NRXN3: variants seen among roughly 807,000 people sequenced by gnomAD.
NRXN3 encodes neurexin III.
In NRXN3, 32 loss-of-function variants were observed where a neutral mutation model predicts 137.6. That is an observed-to-expected ratio of 0.23 (90% confidence interval 0.18 to 0.31). The LOEUF is 0.31. Ranked by LOEUF, NRXN3 falls within the 10% of genes least tolerant of loss-of-function variation. NRXN3 has a pLI of 1.00. For missense variants in NRXN3, 1,574 were observed against 2,062.5 expected (o/e 0.76, Z 4.59); for synonymous variants, 798 against 784.5 (o/e 1.02, Z -0.29).
At chr14:79,772,336 A>G (rs1241941292) in intron 19 of NRXN3, among the ~76,000 whole-genome samples, 1 of 152,146 alleles carries the variant, frequency 6.6e-6, no homozygotes, top group African/African-American at 2.4e-5. Context: ...CTAAGCCAAA[A>G]GAACAAAGCT....
chr14:78,572,607 C>G (rs754437092), intron 4 of NRXN3, among the ~76,000 whole-genome samples: 46 of 152,300 alleles, frequency 3.0e-4, no homozygotes, highest in Middle Eastern at 6.8e-3. Context: ...GAAGAATTGT[C>G]TTAGGCCACA....
At chr14:79,252,411 G>A (rs2076061385) in intron 15 of NRXN3, among the ~76,000 whole-genome samples, 1 of 152,298 alleles carries the variant, frequency 6.6e-6, no homozygotes, top group East Asian at 1.9e-4. Flanking sequence ...ATATGGAAAA[G>A]AGTTTTCCTC....
chr14:79,732,396 T>G (rs2154072812), intron 19 of NRXN3, among the ~76,000 whole-genome samples: 1 of 152,300 alleles, frequency 6.6e-6, no homozygotes, highest in African/African-American at 2.4e-5. Flanking sequence ...AGCATGAGAA[T>G]AGGGAAAGGG....
At chr14:79,660,481 A>G (rs2153983779) in intron 16 of NRXN3, among the ~76,000 whole-genome samples, 1 of 152,326 alleles carries the variant, frequency 6.6e-6, no homozygotes, top group Non-Finnish European at 1.5e-5. Context: ...AACACTGATT[A>G]CAATGGCAAA....
Position 79,863,245 on chromosome 14 carries a change from C to CT in NRXN3, c.*1287dup, listed in dbSNP as rs2099415961. The CT allele has an allele frequency of 6.6e-6, 1 of 152,200 alleles. No homozygotes were observed. The highest frequency in any genetic ancestry group is 2.4e-5 in the African/African-American group (1 of 41,344). The allele number at this position is 152,200 out of a possible 1,614,324, so 9.4% of individuals were successfully genotyped here. On this transcript the variant is annotated 3_prime_UTR_variant, in exon 21 of 21. Transcript: ENST00000335750. ...TTTGCTCACTTCTCTCTTCACCCATCTTTTTTAAAAACAAATAAATGAATA... is the reference window on the plus strand; with the variant it reads ...TTTGCTCACTTCTCTCTTCACCCATCTTTTTTTAAAAACAAATAAATGAATA...
rs547531060 is a variant in NRXN3 at position 78,758,944 on chromosome 14, G to T, written c.2044+43805G>T. On this transcript the variant is annotated intron_variant, in intron 8 of 20. Transcript: ENST00000335750. ...ATTTAGTTTCATCTCCTTTCATTTT[G>T]TTCTTGGTGTACCAGAAAAGCAGCA... Among the ~76,000 whole-genome samples the T allele has an allele frequency of 3.0e-3, 460 of 152,226 alleles. 3 individuals are homozygous for T. Among genetic ancestry groups the T allele is most frequent in the South Asian group, 0.022 (105 of 4,810 alleles).
At chr14:79,715,872 G>A (rs759302903) in intron 19 of NRXN3, among the ~76,000 whole-genome samples, 9 of 152,216 alleles carry the variant, frequency 5.9e-5, no homozygotes, top group Admixed American at 2.0e-4. Context: ...CAGTGTTCCC[G>A]CCAAAGGAAA....
intron 15 of NRXN3, among the ~76,000 whole-genome samples, chr14:79,427,693 G>A (rs1342978527): frequency 6.6e-6 from 1 of 151,998 alleles, no homozygotes; most frequent in Non-Finnish European, 1.5e-5. Flanking sequence ...TTGGTCGGGA[G>A]TGGTGGCATG....
intron 19 of NRXN3, among the ~76,000 whole-genome samples, chr14:79,763,706 G>A (rs1454191212): frequency 6.6e-6 from 1 of 151,492 alleles, no homozygotes; most frequent in Non-Finnish European, 1.5e-5. Flanking sequence ...CTTACATGGT[G>A]GAAAGGACAA....
intron 15 of NRXN3, among the ~76,000 whole-genome samples, chr14:79,319,807 C>T (rs1220930182): frequency 6.6e-6 from 1 of 152,156 alleles, no homozygotes; most frequent in Non-Finnish European, 1.5e-5. Flanking sequence ...ACTACTCTTG[C>T]ATGAGTTGCA....
chr14:78,595,785 A>T (rs1243119837), intron 4 of NRXN3, among the ~76,000 whole-genome samples: 2 of 152,200 alleles, frequency 1.3e-5, no homozygotes, highest in Non-Finnish European at 2.9e-5. Context: ...CTCCTAAGAA[A>T]GATGGAACTT....
chr14:79,593,368 C>T (rs1472295178), intron 16 of NRXN3, among the ~76,000 whole-genome samples: 3 of 152,116 alleles, frequency 2.0e-5, no homozygotes, highest in Non-Finnish European at 2.9e-5. Flanking sequence ...TGGTGGCTCA[C>T]ACCTGTAATC....
intron 15 of NRXN3, among the ~76,000 whole-genome samples, chr14:79,064,612 A>G (rs2099678364): frequency 9.4e-6 from 1 of 105,822 alleles, no homozygotes; most frequent in South Asian, 3.7e-4. Flanking sequence ...CAAAACTATA[A>G]AACAAGTTAT....
chr14:78,260,411 A>G (rs904393556), intron 2 of NRXN3, among the ~76,000 whole-genome samples: 1 of 152,234 alleles, frequency 6.6e-6, no homozygotes, highest in African/African-American at 2.4e-5. Context: ...TGAAGCCAGC[A>G]GACTTAGGAC....
intron 2 of NRXN3, among the ~76,000 whole-genome samples, chr14:78,263,921 GTGTGTT>G (rs2071240687): frequency 7.6e-6 from 1 of 131,178 alleles, no homozygotes; most frequent in Non-Finnish European, 1.7e-5. Flanking sequence ...GTGTGTGTGT[GTGTGTT>G]TTCCTGACAG....
intron 4 of NRXN3, among the ~76,000 whole-genome samples, chr14:78,502,973 C>T (rs116902468): frequency 0.011 from 1,677 of 152,252 alleles, 18 homozygotes; most frequent in Non-Finnish European, 0.016. Flanking sequence ...ACTGTTTTTG[C>T]ATCAGATGAT....
At chr14:79,364,572 A>AT (rs1460568823) in intron 15 of NRXN3, among the ~76,000 whole-genome samples, 1 of 152,210 alleles carries the variant, frequency 6.6e-6, no homozygotes, top group African/African-American at 2.4e-5. Flanking sequence ...ATAAGCTTCC[A>AT]TTAAACCAAA....
intron 20 of NRXN3, among the ~76,000 whole-genome samples, chr14:79,841,188 G>A (rs2099355052): frequency 6.6e-6 from 1 of 152,084 alleles, no homozygotes; most frequent in African/African-American, 2.4e-5. Flanking sequence ...ATCTTTTTAT[G>A]TAAAACTGAT....
intron 15 of NRXN3, among the ~76,000 whole-genome samples, chr14:79,298,593 A>C (rs1186728671): frequency 6.6e-6 from 1 of 152,126 alleles, no homozygotes; most frequent in Non-Finnish European, 1.5e-5. Flanking sequence ...TGATTAAGCA[A>C]GTGAGACAAT....
Sources: gnomAD v4.1 joint callset for allele counts (sites outside exome capture counted in the v4.1 genomes callset) on GRCh38, gnomAD v4.1.1 for gene constraint, MANE v1.5 for transcripts, NCBI Gene and HGNC (gene_info 2026-07-23, HGNC 2026-07-21) for gene names.